The following RSF1 variants were observed in gnomAD, a reference collection of about 807,000 sequenced individuals.
RSF1 encodes remodeling and spacing factor 1.
Under a neutral mutation model 145.2 loss-of-function variants are expected in RSF1, and 13 were observed. That is an observed-to-expected ratio of 0.09 (90% confidence interval 0.06 to 0.14). The LOEUF is 0.14. Among genes scored for constraint, RSF1 ranks in the 10% least tolerant of loss-of-function variants. The pLI is 1.00. For synonymous variants in RSF1, 577 were observed against 592.6 expected (o/e 0.97, Z 0.38); for missense variants, 1,517 against 1,718.2 (o/e 0.88, Z 2.07).
chr11:77,717,405 G>C (rs1031097225), intron 5 of RSF1, among the ~76,000 whole-genome samples: 1 of 152,052 alleles, frequency 6.6e-6, no homozygotes, highest in Non-Finnish European at 1.5e-5. Context: ...TGTCACCTGG[G>C]AGAAAACAGC....
chr11:77,725,734 C>T, intron 4 of RSF1, 35 bp from the exon 5 acceptor site: 1 of 1,498,288 alleles, frequency 6.7e-7, no homozygotes, highest in Middle Eastern at 1.8e-4. Context: ...GCATAAAAAC[C>T]TTTTTCCTGT....
intron 2 of RSF1, among the ~76,000 whole-genome samples, chr11:77,759,361 T>C (rs1948147788): frequency 6.6e-6 from 1 of 151,576 alleles, no homozygotes; most frequent in Non-Finnish European, 1.5e-5. Context: ...AAATAAAAAA[T>C]TTTAGCTTGG....
chr11:77,740,248 G>A (rs1189357833), intron 4 of RSF1, among the ~76,000 whole-genome samples: 3 of 152,206 alleles, frequency 2.0e-5, no homozygotes, highest in Non-Finnish European at 4.4e-5. Context: ...GGTGGCACAC[G>A]CCTGTAATCC....
At chr11:77,754,894 AG>A (rs1475659764) in intron 2 of RSF1, among the ~76,000 whole-genome samples, 3 of 152,112 alleles carry the variant, frequency 2.0e-5, no homozygotes, top group African/African-American at 7.2e-5. Context: ...GCTTGAGCCC[AG>A]GAAGTCAAGG....
At chr11:77,846,297 C>A in the RSF1 span, among the ~76,000 whole-genome samples, 7 of 152,248 alleles carry the variant, frequency 4.6e-5, 1 homozygote, top group Admixed American at 3.3e-4. Context: ...TAATTTAGAT[C>A]TTTTGAGGTC....
At chr11:77,793,091 A>C (rs949338012) in intron 1 of RSF1, among the ~76,000 whole-genome samples, 1 of 152,222 alleles carries the variant, frequency 6.6e-6, no homozygotes, top group Admixed American at 6.5e-5. Context: ...GAAAACAACA[A>C]TATGACAGGA....
intron 12 of RSF1, among the ~76,000 whole-genome samples, chr11:77,677,732 A>G (rs986477596): frequency 1.3e-5 from 2 of 152,156 alleles, no homozygotes; most frequent in Non-Finnish European, 2.9e-5. Flanking sequence ...GGTTTAAATT[A>G]TTTTGGTTCT....
rs1018510297 is a variant in RSF1, at chr11:77,665,329, A to G, written c.*1588T>C. On this transcript the variant is annotated 3_prime_UTR_variant, in exon 16 of 16. Coordinates refer to ENST00000308488, the MANE Select transcript of RSF1 (RefSeq NM_016578.4). ...ATATGGTGTGTCCATTGCCGGCAAC[A>G]GACACAACACCGGAACAGAAAAACC... 6.6e-6 allele frequency: 1 copy of G among 152,216 alleles called. No homozygotes were observed. The highest frequency in any genetic ancestry group is 1.5e-5 in the Non-Finnish European group (1 of 68,056). The allele number at this position is 152,216 out of a possible 1,614,324, so 9.4% of individuals were successfully genotyped here. A position where few individuals can be genotyped will look rare whatever the true frequency, so the allele number is the denominator to read the frequency against.
intron 1 of RSF1, among the ~76,000 whole-genome samples, chr11:77,779,961 A>T (rs185410187): frequency 2.7e-4 from 41 of 152,208 alleles, no homozygotes; most frequent in African/African-American, 8.7e-4. Context: ...CCCTCCCATC[A>T]TGGGGTTCAA....
At chr11:77,783,568 G>A (rs1005264239) in intron 1 of RSF1, among the ~76,000 whole-genome samples, 1 of 152,272 alleles carries the variant, frequency 6.6e-6, no homozygotes, top group South Asian at 2.1e-4. Context: ...TCAGCCGGGT[G>A]CAGTGGCTCA....
At position 77,700,164 on chromosome 11, in the gene RSF1, A is replaced by G. The variant is rs1960380211; in HGVS notation, c.2508+557T>C. On this transcript the variant is annotated intron_variant, in intron 6 of 15. Transcript: ENST00000308488. ...TCAAGAGATCGAGATCATCCTGGCC[A>G]ACATGGCGAAAACCCACCTCTATTA... is the stretch of plus-strand genomic sequence containing the variant. 2.6e-5 allele frequency among the ~76,000 whole-genome samples: 4 copies of G among 152,148 alleles called. No homozygotes were observed. The South Asian group carries it at 8.3e-4, about 32-fold the overall frequency.
intron 4 of RSF1, chr11:77,734,344 G>C: frequency 1.8e-6 from 1 of 568,326 alleles, no homozygotes. Flanking sequence ...CTGAAGGAAT[G>C]GCACAAATCA....
chr11:77,681,846 A>G (rs544594364), intron 11 of RSF1, among the ~76,000 whole-genome samples: 11 of 152,330 alleles, frequency 7.2e-5, no homozygotes, highest in African/African-American at 2.6e-4. Flanking sequence ...GGTCTTTTTC[A>G]GTATAAAACG....
the RSF1 span, among the ~76,000 whole-genome samples, chr11:77,846,431 C>T: frequency 6.6e-6 from 1 of 152,196 alleles, no homozygotes; most frequent in South Asian, 2.1e-4. Context: ...CCATCCTGGC[C>T]AACATGGTGA....
intron 2 of RSF1, among the ~76,000 whole-genome samples, chr11:77,760,100 T>C (rs968385931): frequency 3.3e-5 from 5 of 152,084 alleles, no homozygotes; most frequent in Non-Finnish European, 7.4e-5. Flanking sequence ...GAAGTGAAAA[T>C]ACGTGTTCAC....
chr11:77,783,815 C>A (rs1451092052), intron 1 of RSF1, among the ~76,000 whole-genome samples: 1 of 152,070 alleles, frequency 6.6e-6, no homozygotes, highest in East Asian at 1.9e-4. Flanking sequence ...GCACTCCAGC[C>A]TGGGTGACAG....
Position 77,820,612 on chromosome 11 carries a change from G to C in RSF1, c.103C>G (p.Pro35Ala). Residue 35 changes from proline to alanine, a missense_variant, in exon 1 of 16, where the codon CCG becomes GCG. This residue lies in a region of RSF1 where 85 missense variants were observed against 91.8 expected (regional missense o/e 0.93). Transcript: ENST00000308488. ...VVCSFLERYGPLLDLPELPFP... is the reference protein window; with the variant it reads ...VVCSFLERYGALLDLPELPFP... ...GGCAACTCAGGCAGGTCTAGCAGCG[G>C]CCCGTAGCGCTCCAAGAAGGAGCAG... 3 of 1,566,814 alleles carry C rather than the reference G, an allele frequency of 1.9e-6. No individual in the cohort carries two copies. The highest frequency in any genetic ancestry group is 4.7e-5 in the East Asian group (2 of 42,676).
In RSF1 at chr11:77,750,769, T is replaced by A. The variant is rs150433151; in HGVS notation, c.280-3641A>T. Among the ~76,000 whole-genome samples the A allele has an allele frequency of 1.5e-4, 23 of 152,388 alleles. No individual in the cohort carries two copies. In the East Asian group the frequency reaches 4.0e-3, roughly 27 times the overall value. Reference sequence around the variant, plus strand: ...TCTCTTGAGGGAGAGAATGTTCTAATATCTAAAACATGAACAATTTGACAT... The same window carrying A: ...TCTCTTGAGGGAGAGAATGTTCTAAAATCTAAAACATGAACAATTTGACAT... On this transcript the variant is annotated intron_variant, in intron 2 of 15. Coordinates refer to ENST00000308488, the MANE Select transcript of RSF1 (RefSeq NM_016578.4).
At position 77,701,141 on chromosome 11, in the gene RSF1, C is replaced by T; in HGVS notation, c.2088G>A (p.Glu696=). Residue 696 remains glutamate, a synonymous_variant, in exon 6 of 16, where the codon GAG becomes GAA. Transcript: ENST00000308488. ...AQTSGIEEPS[E]TKGSMQKSKF... is the part of the protein sequence containing the mutation. ...TGCTTTTTTGCATAGAACCCTTTGT[C>T]TCAGAAGGCTCCTCTATGCCAGAGG... 1 of 1,614,064 alleles carries T rather than the reference C, an allele frequency of 6.2e-7. No homozygotes were observed. The highest frequency in any genetic ancestry group is 8.5e-7 in the Non-Finnish European group (1 of 1,180,018).
Sources: allele counts gnomAD v4.1 joint callset (sites outside exome capture counted in the v4.1 genomes callset), GRCh38; gene constraint gnomAD v4.1.1; regional missense constraint gnomAD v4.1.1; transcripts MANE v1.5; gene names NCBI Gene and HGNC (gene_info 2026-07-23, HGNC 2026-07-21).